The following STK33 variants were observed in gnomAD, a reference collection of about 807,000 sequenced individuals.
STK33 encodes serine/threonine kinase 33, also known as serine/threonine-protein kinase 33.
In STK33, 52 loss-of-function variants were observed where a neutral mutation model predicts 58.0. The ratio of observed to expected loss-of-function variants is 0.90; its 90% CI spans 0.72 to 1.13. The LOEUF is 1.13. Ranked by LOEUF, STK33 falls within the 50% of genes most tolerant of loss-of-function variation. The probability of loss-of-function intolerance (pLI) is 0.00; values close to 1 mark genes in which losing one functional copy is unlikely to be tolerated. For missense variants in STK33, 630 were observed against 604.2 expected, an observed-to-expected ratio of 1.04 and a Z score of -0.45; for synonymous variants, 215 against 200.1, an observed-to-expected ratio of 1.07 and a Z score of -0.63.
chr11:8,566,041 C>T (rs1340307806), intron 1 of STK33: 1 of 152,118 alleles, frequency 6.6e-6, no homozygotes, highest in East Asian at 1.9e-4. Context: ...CCTACAGAAG[C>T]CAAAATCATT....
At chr11:8,501,190 T>C (rs1951489707) in intron 1 of STK33, among the ~76,000 whole-genome samples, 1 of 152,108 alleles carries the variant, frequency 6.6e-6, no homozygotes, top group Admixed American at 6.6e-5. Context: ...GAAAAATAGA[T>C]ACATGGACTT....
At chr11:8,364,144 C>G in the STK33 span, among the ~76,000 whole-genome samples, 7 of 152,210 alleles carry the variant, frequency 4.6e-5, no homozygotes, top group African/African-American at 1.4e-4. Context: ...CAACCTCCTT[C>G]CTCGTTTATG....
At chr11:8,362,832 C>T in the STK33 span, among the ~76,000 whole-genome samples, 1 of 152,084 alleles carries the variant, frequency 6.6e-6, no homozygotes, top group African/African-American at 2.4e-5. Context: ...TCCTTCCTCC[C>T]TCCATCCCTC....
chr11:8,475,160 T>A (rs1201727715), intron 4 of STK33, 94 bp from the exon 5 acceptor site: 2 of 370,248 alleles, frequency 5.4e-6, no homozygotes, highest in African/African-American at 4.2e-5. Context: ...ACTAGAAGCA[T>A]CCTGTATAGA....
chr11:8,524,230 G>GT (rs1175415282), intron 1 of STK33, among the ~76,000 whole-genome samples: 1 of 152,114 alleles, frequency 6.6e-6, no homozygotes, highest in African/African-American at 2.4e-5. Flanking sequence ...TTATTCACAT[G>GT]TTTATCTGCT....
chr11:8,338,260 C>T, the STK33 span, among the ~76,000 whole-genome samples: 1 of 152,172 alleles, frequency 6.6e-6, no homozygotes, highest in African/African-American at 2.4e-5. Context: ...ACACAGGATG[C>T]CCAGCCCCGA....
chr11:8,387,086 A>C (rs1482164425), downstream of STK33, among the ~76,000 whole-genome samples: 2 of 152,240 alleles, frequency 1.3e-5, no homozygotes, highest in African/African-American at 4.8e-5. Flanking sequence ...TTTATCACGC[A>C]AAGTCCTTCA....
intron 1 of STK33, among the ~76,000 whole-genome samples, chr11:8,573,901 T>C (rs1046943385): frequency 2.6e-5 from 4 of 152,206 alleles, no homozygotes; most frequent in African/African-American, 9.7e-5. Flanking sequence ...TTCCAGGGGT[T>C]ACAGATAGGA....
At chr11:8,351,885 C>T in the STK33 span, among the ~76,000 whole-genome samples, 4 of 152,352 alleles carry the variant, frequency 2.6e-5, no homozygotes, top group African/African-American at 7.2e-5. Flanking sequence ...GAGGGCTCCC[C>T]GCCCAGGGGC....
At chr11:8,345,532 A>T in the STK33 span, among the ~76,000 whole-genome samples, 1 of 152,256 alleles carries the variant, frequency 6.6e-6, no homozygotes, top group Non-Finnish European at 1.5e-5. Flanking sequence ...GACAGGCAGG[A>T]AGACCCATTC....
In STK33 at chr11:8,440,752, G is replaced by A. The variant is rs1416078171; in HGVS notation, c.873C>T (p.Ala291=). The A allele has an allele frequency of 6.4e-7, 1 of 1,563,014 alleles. No homozygotes were observed. The highest frequency in any genetic ancestry group is 2.3e-5 in the East Asian group (1 of 42,752). Residue 291 remains alanine, a splice_region_variant and synonymous_variant, in exon 12 of 16, where the codon GCC becomes GCT. Transcript: ENST00000687296. The part of the protein sequence containing the change: ...QATCGTPIYM[A]PEVISAHDYS... ...AGTCGTGGGCACTGATAACTTCAGG[G>A]GCTGCCAAACAAGCAGATATAAAAT...
chr11:8,358,056 T>C, the STK33 span, among the ~76,000 whole-genome samples: 1 of 152,224 alleles, frequency 6.6e-6, no homozygotes, highest in Non-Finnish European at 1.5e-5. Context: ...TTTTCCTAGC[T>C]TGAGCTCAAA....
the STK33 span, among the ~76,000 whole-genome samples, chr11:8,338,374 A>AGT: frequency 6.6e-6 from 1 of 152,210 alleles, no homozygotes; most frequent in Admixed American, 6.5e-5. Context: ...TGACTGCCCT[A>AGT]GCTTTGGCCT....
rs983132452 is a variant in STK33 at position 8,505,472 on chromosome 11, C to T, written c.-465-24858G>A. 3.9e-5 allele frequency among the ~76,000 whole-genome samples: 6 copies of T among 152,274 alleles called. No homozygotes were observed. The East Asian group carries it at 1.2e-3, about 29-fold the overall frequency. ...TATTCCCTCCACGTGGGACATTCTTCCTACCATCCTGCCCTTGCCCAGGTT... is the reference window on the plus strand; with the variant it reads ...TATTCCCTCCACGTGGGACATTCTTTCTACCATCCTGCCCTTGCCCAGGTT... On this transcript the variant is annotated intron_variant, in intron 1 of 15. Transcript: ENST00000687296.
At chr11:8,492,475 T>C (rs1419770122) in intron 1 of STK33, among the ~76,000 whole-genome samples, 2 of 152,142 alleles carry the variant, frequency 1.3e-5, no homozygotes, top group African/African-American at 4.8e-5. Context: ...CAAAGAGACT[T>C]AGACTCCCAC....
chr11:8,470,736 A>C (rs914253400), intron 6 of STK33, among the ~76,000 whole-genome samples: 1 of 152,154 alleles, frequency 6.6e-6, no homozygotes. Context: ...AGGAAGGGCC[A>C]AGGAGAGGGA....
intron 1 of STK33, among the ~76,000 whole-genome samples, chr11:8,549,801 T>G (rs1956184229): frequency 6.6e-6 from 1 of 152,216 alleles, no homozygotes; most frequent in African/African-American, 2.4e-5. Context: ...TGATCCTTTG[T>G]ATTTCTGTGG....
At chr11:8,525,997 T>C (rs911426618) in intron 1 of STK33, among the ~76,000 whole-genome samples, 1 of 152,134 alleles carries the variant, frequency 6.6e-6, no homozygotes, top group Non-Finnish European at 1.5e-5. Flanking sequence ...AAAATCACCA[T>C]AGGATACCAC....
the STK33 span, among the ~76,000 whole-genome samples, chr11:8,377,877 C>T: frequency 6.6e-6 from 1 of 152,154 alleles, no homozygotes; most frequent in East Asian, 1.9e-4. Context: ...AAATAAAATA[C>T]CTAGGAATAT....
Sources: allele counts gnomAD v4.1 joint callset (sites outside exome capture counted in the v4.1 genomes callset), GRCh38; gene constraint gnomAD v4.1.1; transcripts MANE v1.5; gene names NCBI Gene and HGNC (gene_info 2026-07-23, HGNC 2026-07-21).